Variants in ZFAT observed in about 807,000 individuals in gnomAD.
The protein encoded by ZFAT is zinc finger and AT-hook domain containing.
In ZFAT, 64 loss-of-function variants were observed where a neutral mutation model predicts 117.7. The ratio of observed to expected loss-of-function variants is 0.54; its 90% CI spans 0.44 to 0.67. The LOEUF (loss-of-function observed/expected upper bound fraction) is 0.67. Ranked by LOEUF, ZFAT falls within the 30% of genes least tolerant of loss-of-function variation. ZFAT has a pLI of 0.00. For synonymous variants in ZFAT, 679 were observed against 615.0 expected, an observed-to-expected ratio of 1.10 and a Z score of -1.54; for missense variants, 1,433 against 1,584.5, an observed-to-expected ratio of 0.90 and a Z score of 1.62.
chr8:134,825,296 C>T, the ZFAT span, among the ~76,000 whole-genome samples: 1 of 152,194 alleles, frequency 6.6e-6, no homozygotes, highest in Non-Finnish European at 1.5e-5. Flanking sequence ...TAGAACGAAA[C>T]AATTACACTT....
At chr8:134,588,219 G>T in intron 9 of ZFAT, 27 bp downstream of exon 9, 1 of 1,528,466 alleles carries the variant, frequency 6.5e-7, no homozygotes, top group Non-Finnish European at 8.8e-7. Context: ...TTAGAAAGGT[G>T]CCCAATTTGG....
At chr8:134,592,369 C>G (rs147288787) in intron 7 of ZFAT, among the ~76,000 whole-genome samples, 76 of 152,314 alleles carry the variant, frequency 5.0e-4, no homozygotes, top group Middle Eastern at 6.8e-3. Context: ...CACACTACAC[C>G]GAGGGCAGAG....
chr8:134,641,819 C>G (rs532104901), intron 2 of ZFAT, among the ~76,000 whole-genome samples: 1 of 152,306 alleles, frequency 6.6e-6, no homozygotes, highest in African/African-American at 2.4e-5. Flanking sequence ...TAACTCTGCT[C>G]TAAATCCACA....
intron 1 of ZFAT, among the ~76,000 whole-genome samples, chr8:134,694,499 G>A (rs1833732057): frequency 6.6e-6 from 1 of 152,170 alleles, no homozygotes; most frequent in Non-Finnish European, 1.5e-5. Flanking sequence ...CCATTTTTCT[G>A]TAAGTATAAA....
chr8:134,605,419 G>A (rs1827809798), intron 5 of ZFAT, among the ~76,000 whole-genome samples: 1 of 152,122 alleles, frequency 6.6e-6, no homozygotes, highest in African/African-American at 2.4e-5. Flanking sequence ...GGTGGTGGGC[G>A]CCTGCAGTCC....
At chr8:134,634,159 G>C (rs1404369204) in intron 3 of ZFAT, among the ~76,000 whole-genome samples, 1 of 152,184 alleles carries the variant, frequency 6.6e-6, no homozygotes, top group Non-Finnish European at 1.5e-5. Context: ...AACAGCAACT[G>C]TAGCATAAAA....
intron 2 of ZFAT, among the ~76,000 whole-genome samples, chr8:134,644,357 T>C (rs905530130): frequency 5.3e-5 from 8 of 152,204 alleles, no homozygotes; most frequent in South Asian, 2.1e-4. Flanking sequence ...AACGAGGCTC[T>C]CGGGAGACCC....
intron 1 of ZFAT, among the ~76,000 whole-genome samples, chr8:134,712,369 C>A (rs1814033687): frequency 6.6e-6 from 1 of 152,148 alleles, no homozygotes. Flanking sequence ...TGACTTGCAC[C>A]GGGTGTCAAG....
At chr8:134,716,632 G>T (rs1814213805), upstream of ZFAT, among the ~76,000 whole-genome samples, 1 of 152,200 alleles carries the variant, frequency 6.6e-6, no homozygotes, top group Non-Finnish European at 1.5e-5. Flanking sequence ...TTCCAAAAAT[G>T]CTGGGTTAGT....
chr8:134,669,656 T>C (rs1162419572), intron 1 of ZFAT, among the ~76,000 whole-genome samples: 3 of 152,076 alleles, frequency 2.0e-5, no homozygotes, highest in African/African-American at 7.2e-5. Flanking sequence ...ACATGACAAA[T>C]TGTAAAGACC....
At chr8:134,637,841 C>A (rs995449493) in intron 2 of ZFAT, 129 bp from the exon 3 acceptor site, 3 of 1,283,222 alleles carry the variant, frequency 2.3e-6, no homozygotes, top group Non-Finnish European at 3.2e-6. Context: ...TAAAGTGATT[C>A]CAGACATTAA....
chr8:134,538,535 C>T (rs1407386078), intron 11 of ZFAT, among the ~76,000 whole-genome samples: 2 of 152,108 alleles, frequency 1.3e-5, no homozygotes, highest in Non-Finnish European at 1.5e-5. Context: ...CAGTGGCTCA[C>T]GCCTGTAATC....
At chr8:134,648,227 T>C (rs909913171) in intron 2 of ZFAT, among the ~76,000 whole-genome samples, 1 of 150,494 alleles carries the variant, frequency 6.6e-6, no homozygotes, top group African/African-American at 2.5e-5. Flanking sequence ...AAAAGAACTA[T>C]CTCAAATCAA....
At chr8:134,542,281 TACA>T (rs1347070129) in intron 11 of ZFAT, among the ~76,000 whole-genome samples, 3 of 152,266 alleles carry the variant, frequency 2.0e-5, no homozygotes, top group Non-Finnish European at 2.9e-5. Flanking sequence ...CCATTCTCTC[TACA>T]ACAAGTGTCT....
chr8:134,613,681 A>G (rs902703609), intron 3 of ZFAT, among the ~76,000 whole-genome samples: 2 of 152,222 alleles, frequency 1.3e-5, no homozygotes, highest in Non-Finnish European at 2.9e-5. Context: ...CCGTCTGAAC[A>G]GCTAGGGCTA....
chr8:134,566,687 T>C (rs1455544171), intron 10 of ZFAT, among the ~76,000 whole-genome samples: 1 of 152,202 alleles, frequency 6.6e-6, no homozygotes, highest in African/African-American at 2.4e-5. Context: ...CCCAGAGCAC[T>C]CTTGCACCTT....
intron 15 of ZFAT, among the ~76,000 whole-genome samples, chr8:134,494,168 GC>G (rs1818259192): frequency 6.6e-6 from 1 of 152,110 alleles, no homozygotes; most frequent in South Asian, 2.1e-4. Flanking sequence ...CCACACCCCT[GC>G]CTGGTGATCC....
intron 1 of ZFAT, among the ~76,000 whole-genome samples, chr8:134,669,346 C>A (rs948577586): frequency 6.6e-6 from 1 of 152,148 alleles, no homozygotes; most frequent in African/African-American, 2.4e-5. Context: ...TAAGGGCACC[C>A]AGACAGAAAA....
At chr8:134,718,437 G>C in the ZFAT span, among the ~76,000 whole-genome samples, 1 of 152,300 alleles carries the variant, frequency 6.6e-6, no homozygotes, top group South Asian at 2.1e-4. Flanking sequence ...GGTGGAGGTT[G>C]CAGTGAGCCG....
Sources: gnomAD v4.1 joint callset for allele counts (sites outside exome capture counted in the v4.1 genomes callset) on GRCh38, gnomAD v4.1.1 for gene constraint, MANE v1.5 for transcripts, NCBI Gene and HGNC (gene_info 2026-07-23, HGNC 2026-07-21) for gene names.